Variants in INTS3 observed in about 807,000 individuals in gnomAD.
The protein encoded by INTS3 is SOSS complex subunit A.
Under a neutral mutation model 146.3 loss-of-function variants are expected in INTS3, and 34 were observed. The ratio of observed to expected loss-of-function variants is 0.23; its 90% CI spans 0.18 to 0.31. The LOEUF is 0.31. INTS3 is among the 10% of genes least tolerant of loss of function. INTS3 has a pLI of 1.00. For synonymous variants in INTS3, 475 were observed against 494.9 expected, an observed-to-expected ratio of 0.96 and a Z score of 0.53; for missense variants, 757 against 1,304.2, an observed-to-expected ratio of 0.58 and a Z score of 6.46.
At chr1:153,771,691 T>C in intron 25 of INTS3, 105 bp from the exon 26 acceptor site, 1 of 1,047,172 alleles carries the variant, frequency 9.5e-7, no homozygotes, top group Middle Eastern at 3.2e-4. Flanking sequence ...GATGTGAGAG[T>C]AGTGGGTGGG....
At chr1:153,738,836 C>G (rs1196245851) in intron 1 of INTS3, among the ~76,000 whole-genome samples, 1 of 151,008 alleles carries the variant, frequency 6.6e-6, no homozygotes, top group Non-Finnish European at 1.5e-5. Context: ...ATGTATGTAT[C>G]TATCAAAATG....
At chr1:153,743,580 T>C (rs1211230917) in intron 3 of INTS3, among the ~76,000 whole-genome samples, 1 of 145,874 alleles carries the variant, frequency 6.9e-6, no homozygotes, top group Non-Finnish European at 1.5e-5. Context: ...AGAGGATGCA[T>C]GGGGTGGATT....
intron 3 of INTS3, among the ~76,000 whole-genome samples, chr1:153,741,845 G>A (rs936319898): frequency 1.8e-4 from 28 of 152,174 alleles, no homozygotes; most frequent in African/African-American, 6.5e-4. Flanking sequence ...GTGATTAGGA[G>A]AACACTGGAG....
intron 13 of INTS3, 99 bp from the exon 14 acceptor site, chr1:153,761,471 C>CT: frequency 1.2e-6 from 1 of 824,826 alleles, no homozygotes; most frequent in South Asian, 1.6e-5. Context: ...GATTGTGCCA[C>CT]TGCACTCCAG....
chr1:153,767,695 G>A lies in INTS3; in HGVS notation c.2112G>A (p.Met704Ile), dbSNP rs1361161544. The stretch of plus-strand genomic sequence containing the variant: ...GCAGCAAAGCCGCCGCAGGGAAGAT[G>A]AACCTGTACGAGTCATTTGCCCAGG... ...LRASKAAAGKMNLYESFAQAT... is the reference protein window; with the variant it reads ...LRASKAAAGKINLYESFAQAT... Residue 704 changes from methionine (M) to isoleucine (I), a missense_variant, in exon 21 of 30, where the codon ATG becomes ATA. This residue lies in a region of INTS3 where 89 missense variants were observed against 210.9 expected (regional missense o/e 0.42). Transcript: ENST00000318967. 2 of 1,603,902 alleles carry A rather than the reference G, an allele frequency of 1.2e-6. No homozygotes were observed. The highest frequency in any genetic ancestry group is 1.1e-5 in the South Asian group (1 of 90,544).
At chr1:153,759,708 G>A (rs902074225) in intron 11 of INTS3, 95 bp downstream of exon 11, 13 of 790,682 alleles carry the variant, frequency 1.6e-5, no homozygotes, top group Non-Finnish European at 2.4e-5. Flanking sequence ...AGGGCACCGT[G>A]GAGTGGAGGC....
At chr1:153,751,288 G>A (rs1671948715) in intron 7 of INTS3, 49 bp downstream of exon 7, 2 of 1,594,150 alleles carry the variant, frequency 1.3e-6, no homozygotes, top group Non-Finnish European at 1.7e-6. Flanking sequence ...CTCAGGCTAA[G>A]ATACCTCTGG....
chr1:153,734,221 T>A, intron 1 of INTS3, among the ~76,000 whole-genome samples: 1 of 152,158 alleles, frequency 6.6e-6, no homozygotes, highest in Non-Finnish European at 1.5e-5. Context: ...AACCTATGAT[T>A]CTATCTTTAC....
intron 8 of INTS3, among the ~76,000 whole-genome samples, chr1:153,753,044 C>A (rs1424514552): frequency 2.1e-5 from 3 of 145,294 alleles, no homozygotes; most frequent in Non-Finnish European, 4.6e-5. Flanking sequence ...TCCCCTCCTA[C>A]ACACACACAC....
intron 3 of INTS3, among the ~76,000 whole-genome samples, chr1:153,744,617 T>C (rs377589719): frequency 2.0e-4 from 31 of 152,284 alleles, no homozygotes; most frequent in African/African-American, 7.2e-4. Context: ...TCATCATCAG[T>C]TGGTTTGACT....
At chr1:153,770,055 T>TGGG (rs370313990) in intron 23 of INTS3, 143 bp from the exon 24 acceptor site, 17 of 511,814 alleles carry the variant, frequency 3.3e-5, no homozygotes, top group African/African-American at 4.3e-5. Context: ...GTCAGTGGAT[T>TGGG]GGGGTGTGTG....
At chr1:153,764,440 T>C (rs1413147138) in intron 18 of INTS3, among the ~76,000 whole-genome samples, 3 of 152,242 alleles carry the variant, frequency 2.0e-5, no homozygotes, top group Non-Finnish European at 4.4e-5. Flanking sequence ...CAGCCCTTGC[T>C]GCTGGGCCCA....
Position 153,728,519 on chromosome 1 carries a change from C to A in INTS3, c.-116C>A. The A allele has an allele frequency of 7.6e-7, 1 of 1,321,922 alleles. No individual in the cohort carries two copies. Among genetic ancestry groups the A allele is most frequent in the Non-Finnish European group, 1.0e-6 (1 of 973,332 alleles). The allele number at this position is 1,321,922 out of a possible 1,614,324, so 81.9% of individuals were successfully genotyped here. On this transcript the variant is annotated 5_prime_UTR_variant, in exon 1 of 30. Transcript: ENST00000318967. Reference sequence around the variant, plus strand: ...AGTGGAGAGGACAGGGGCCCTTGCTCTCCCCTCCCCAACTTGTTCCTCTTG... The same window carrying A: ...AGTGGAGAGGACAGGGGCCCTTGCTATCCCCTCCCCAACTTGTTCCTCTTG...
chr1:153,749,832 T>C (rs1190609480), intron 6 of INTS3, among the ~76,000 whole-genome samples: 1 of 152,252 alleles, frequency 6.6e-6, no homozygotes, highest in Non-Finnish European at 1.5e-5. Flanking sequence ...TGATTTTTCT[T>C]ATTTTATTCG....
intron 20 of INTS3, chr1:153,767,373 T>C (rs891262135): frequency 3.2e-6 from 1 of 312,064 alleles, no homozygotes; most frequent in Non-Finnish European, 5.9e-6. Flanking sequence ...GAGAAAGCCT[T>C]CTCCAGCCTG....
Position 153,752,458 on chromosome 1 carries a change from G to C in INTS3, c.859+50G>C, listed in dbSNP as rs200325233. The C allele has an allele frequency of 1.7e-3, 2,728 of 1,567,092 alleles. 3 individuals carry two copies. Among genetic ancestry groups the C allele is most frequent in the Non-Finnish European group, 2.0e-3 (2,314 of 1,155,580 alleles). ...TCCTTGAGAGCTGGGAGTTCAATGT[G>C]TATGTCTTGCTTGAATCAAGAAGGT... On this transcript the variant is annotated intron_variant, in intron 8 of 29. Transcript: ENST00000318967.
intron 23 of INTS3, 130 bp from the exon 24 acceptor site, chr1:153,770,058 GGTGTGTGTGT>G (rs55766761): frequency 1.6e-3 from 717 of 443,630 alleles, no homozygotes; most frequent in Middle Eastern, 2.9e-3. Context: ...AGTGGATTGG[GGTGTGTGTGT>G]GTGTGTGTGT....
chr1:153,733,254 C>T (rs1402960761), intron 1 of INTS3, among the ~76,000 whole-genome samples: 2 of 112,942 alleles, frequency 1.8e-5, no homozygotes, highest in Non-Finnish European at 3.3e-5. Context: ...GCTCTGTCTC[C>T]CAGGCTGGAG....
chr1:153,742,680 G>A (rs1671583282), intron 3 of INTS3, among the ~76,000 whole-genome samples: 2 of 152,176 alleles, frequency 1.3e-5, no homozygotes, highest in South Asian at 4.1e-4. Context: ...GAGTATGTGT[G>A]GTATTTCTAG....
Sources: gnomAD v4.1 joint callset for allele counts (sites outside exome capture counted in the v4.1 genomes callset) on GRCh38, gnomAD v4.1.1 for gene constraint, gnomAD v4.1.1 regional missense constraint, MANE v1.5 for transcripts, NCBI Gene and HGNC (gene_info 2026-07-23, HGNC 2026-07-21) for gene names.